Variants in EGFR observed in about 807,000 individuals in gnomAD.
EGFR encodes epidermal growth factor receptor.
EGFR carries 58 observed loss-of-function variants against 143.0 expected under a neutral mutation model. The observed-to-expected ratio is 0.41, with a 90% confidence interval of 0.33 to 0.50. The LOEUF is 0.50. Among genes scored for constraint, EGFR ranks in the 20% least tolerant of loss-of-function variants. EGFR has a pLI of 0.39. For synonymous variants in EGFR, 613 were observed against 594.4 expected, an observed-to-expected ratio of 1.03 and a Z score of -0.45; for missense variants, 1,307 against 1,579.0, an observed-to-expected ratio of 0.83 and a Z score of 2.92.
chr7:55,132,154 A>T (rs753381654), intron 1 of EGFR, among the ~76,000 whole-genome samples: 3 of 151,988 alleles, frequency 2.0e-5, no homozygotes, highest in Non-Finnish European at 2.9e-5. Flanking sequence ...TTGATTTTTT[A>T]AAAAACATGG....
chr7:55,059,305 C>T (rs759166), intron 1 of EGFR, among the ~76,000 whole-genome samples: 127,904 of 152,270 alleles, frequency 0.84, 53,904 homozygotes, highest in East Asian at 0.97. Context: ...TAATAAACTT[C>T]CTTTTTTGAG....
At chr7:55,082,035 C>G (rs964169995) in intron 1 of EGFR, among the ~76,000 whole-genome samples, 1 of 152,112 alleles carries the variant, frequency 6.6e-6, no homozygotes, top group Non-Finnish European at 1.5e-5. Flanking sequence ...CTGGTTGTGA[C>G]CCACTCCAGT....
intron 1 of EGFR, among the ~76,000 whole-genome samples, chr7:55,032,710 C>T (rs529232320): frequency 6.6e-6 from 1 of 152,320 alleles, no homozygotes; most frequent in East Asian, 1.9e-4. Flanking sequence ...ATCATATATG[C>T]ATCCTGGATG....
intron 1 of EGFR, among the ~76,000 whole-genome samples, chr7:55,088,911 A>G (rs1790932303): frequency 6.6e-6 from 1 of 152,218 alleles, no homozygotes; most frequent in Non-Finnish European, 1.5e-5. Flanking sequence ...TATTTTACGT[A>G]CATCATGCAA....
intron 19 of EGFR, among the ~76,000 whole-genome samples, chr7:55,176,820 A>G (rs577511500): frequency 3.2e-4 from 21 of 66,500 alleles, no homozygotes; most frequent in African/African-American, 9.4e-4. Context: ...TATATATGAT[A>G]TATATTTAGA....
chr7:55,205,770 C>T lies in EGFR; in HGVS notation c.*153C>T. 8.3e-7 allele frequency: 1 copy of T among 1,202,826 alleles called. No homozygotes were observed. The highest frequency in any genetic ancestry group is 2.0e-5 in the Admixed American group (1 of 49,712). 74.5% of individuals were successfully genotyped at this position (1,202,826 alleles called of 1,614,324 possible). A position where few individuals can be genotyped will look rare whatever the true frequency, so the allele number is the denominator to read the frequency against. The stretch of plus-strand genomic sequence containing the variant: ...GTTTACACCGACTAGCCAGGAAGTA[C>T]TTCCACCTCGGGCACATTTTGGGAA... On this transcript the variant is annotated 3_prime_UTR_variant, in exon 28 of 28. Transcript: ENST00000275493.
intron 1 of EGFR, among the ~76,000 whole-genome samples, chr7:55,125,003 G>A (rs899548094): frequency 5.9e-5 from 9 of 152,210 alleles, no homozygotes; most frequent in Non-Finnish European, 7.3e-5. Flanking sequence ...ATACATGAGC[G>A]TCACCTGGGA....
intron 10 of EGFR, 135 bp downstream of exon 10, chr7:55,156,967 T>C (rs1785452545): frequency 1.3e-6 from 2 of 1,531,300 alleles, no homozygotes; most frequent in African/African-American, 2.8e-5. Context: ...GATGTTTTGA[T>C]ATTTTTCAAA....
chr7:55,143,567 C>A (rs1794590255), intron 3 of EGFR, 79 bp downstream of exon 3: 2 of 1,515,310 alleles, frequency 1.3e-6, no homozygotes, highest in Non-Finnish European at 1.8e-6. Context: ...GCTTGTCACT[C>A]AATTCCACCT....
At chr7:55,134,337 C>T (rs1377121184) in intron 1 of EGFR, among the ~76,000 whole-genome samples, 3 of 151,806 alleles carry the variant, frequency 2.0e-5, no homozygotes, top group East Asian at 1.9e-4. Flanking sequence ...GGACTCAGGA[C>T]TCAGCGAGGC....
intron 23 of EGFR, 32 bp from the exon 24 acceptor site, chr7:55,200,284 A>G: frequency 6.3e-7 from 1 of 1,586,374 alleles, no homozygotes; most frequent in Non-Finnish European, 8.7e-7. Context: ...CCAGTGTTCT[A>G]ATTGCACTGT....
intron 6 of EGFR, 102 bp from the exon 7 acceptor site, chr7:55,153,909 C>G (rs1211574451): frequency 2.5e-5 from 39 of 1,558,754 alleles, no homozygotes; most frequent in Non-Finnish European, 3.4e-5. Context: ...AAGACAGTAA[C>G]TTGGGCTTTC....
rs572775967 is a variant in EGFR, at chr7:55,199,018, C to T, written c.2848+155C>T. ...AAACATCTGTAAATACCCCTTCAAG[C>T]ATTCTTTTAAAGACACTTCTTGACT... On this transcript the variant is annotated intron_variant, in intron 23 of 27. Transcript: ENST00000275493. 1.3e-4 allele frequency among the ~76,000 whole-genome samples: 20 copies of T among 152,370 alleles called. No individual in the cohort carries two copies. In the South Asian group the frequency reaches 2.1e-3, roughly 16 times the overall value.
intron 1 of EGFR, among the ~76,000 whole-genome samples, chr7:55,046,428 C>A (rs1168506156): frequency 6.6e-6 from 1 of 152,158 alleles, no homozygotes; most frequent in Non-Finnish European, 1.5e-5. Flanking sequence ...CCTTACTCTT[C>A]AGAGAGCCCA....
chr7:55,186,814 G>A (rs1787157595), intron 20 of EGFR, among the ~76,000 whole-genome samples: 1 of 152,216 alleles, frequency 6.6e-6, no homozygotes, highest in South Asian at 2.1e-4. Context: ...AGGGAAGCAG[G>A]TCAGAGCAGG....
intron 19 of EGFR, among the ~76,000 whole-genome samples, chr7:55,179,536 G>A (rs867923896): frequency 6.6e-6 from 1 of 152,200 alleles, no homozygotes; most frequent in Non-Finnish European, 1.5e-5. Flanking sequence ...AGCTCTCCTG[G>A]GGAGAAGGTG....
chr7:55,069,630 G>A (rs545620723), intron 1 of EGFR, among the ~76,000 whole-genome samples: 36 of 152,264 alleles, frequency 2.4e-4, no homozygotes, highest in Admixed American at 3.9e-4. Context: ...CTCCTAGGTC[G>A]TGAAGCTGTG....
chr7:55,161,654 C>T (rs779036337), intron 13 of EGFR, 23 bp downstream of exon 13: 2 of 1,614,188 alleles, frequency 1.2e-6, no homozygotes, highest in Admixed American at 3.3e-5. Flanking sequence ...TTCTTTAATC[C>T]CCTTGCGTTG....
At chr7:55,057,455 G>T (rs556037578) in intron 1 of EGFR, among the ~76,000 whole-genome samples, 2 of 152,230 alleles carry the variant, frequency 1.3e-5, no homozygotes, top group East Asian at 3.9e-4. Flanking sequence ...TGGATTTCTT[G>T]ATAATGTTAA....
Sources: gnomAD v4.1 joint callset for allele counts (sites outside exome capture counted in the v4.1 genomes callset) on GRCh38, gnomAD v4.1.1 for gene constraint, MANE v1.5 for transcripts, NCBI Gene and HGNC (gene_info 2026-07-23, HGNC 2026-07-21) for gene names.